Variants in PIK3R4 observed in about 807,000 individuals in gnomAD.
PIK3R4 encodes the protein phosphoinositide-3-kinase regulatory subunit 4, also known as phosphoinositide 3-kinase regulatory subunit 4.
PIK3R4 carries 46 observed loss-of-function variants against 136.5 expected under a neutral mutation model. The observed-to-expected ratio is 0.34, with a 90% CI of 0.27 to 0.43. The LOEUF is 0.43. Among genes scored for constraint, PIK3R4 ranks in the 20% least tolerant of loss-of-function variants. The pLI is 1.00. For synonymous variants in PIK3R4, 557 were observed against 566.7 expected, an observed-to-expected ratio of 0.98 and a Z score of 0.24; for missense variants, 1,331 against 1,649.5, an observed-to-expected ratio of 0.81 and a Z score of 3.35.
At position 130,734,072 on chromosome 3, in the gene PIK3R4, T is replaced by C; in HGVS notation, c.926A>G (p.Lys309Arg). 1 of 1,614,164 alleles carries C rather than the reference T, an allele frequency of 6.2e-7. No homozygotes were observed. The highest frequency in any genetic ancestry group is 1.7e-5 in the Admixed American group (1 of 60,024). Residue 309 changes from lysine to arginine, a missense_variant, in exon 4 of 20, where the codon AAA becomes AGA. Physicochemically the swap from Lys to Arg is conservative, Grantham distance 26. This residue lies in a region of PIK3R4 where 1,180 missense variants were observed against 1,407.0 expected (regional missense o/e 0.84). Transcript: ENST00000356763. ...AGGAAAGGCATTGCCACGCTGCTGTTTTAAGTAATCTTCTGCCTCTAAACG... is the reference window on the plus strand; with the variant it reads ...AGGAAAGGCATTGCCACGCTGCTGTCTTAAGTAATCTTCTGCCTCTAAACG... ...DKRLEAEDYL[K>R]QQRGNAFPEI...
chr3:130,679,849 G>A (rs914480276), intron 19 of PIK3R4, among the ~76,000 whole-genome samples: 18 of 152,028 alleles, frequency 1.2e-4, no homozygotes, highest in East Asian at 3.9e-4. Context: ...AGGCCAAGGC[G>A]GGTGGATCAC....
At position 130,718,477 on chromosome 3, in the gene PIK3R4, G is replaced by C; in HGVS notation, c.2039C>G (p.Thr680Arg). 1 of 1,613,788 alleles carries C rather than the reference G, an allele frequency of 6.2e-7. No homozygotes were observed. The highest frequency in any genetic ancestry group is 8.5e-7 in the Non-Finnish European group (1 of 1,179,750). Reference protein sequence around the residue: ...WIRYGAVGFITVVARQISTAD... With the variant: ...WIRYGAVGFIRVVARQISTAD... Reference sequence around the variant, plus strand: ...TGTACTTATTTGACGAGCTACCACTGTGATAAATCCCACGGCACCATAACG... The same window carrying C: ...TGTACTTATTTGACGAGCTACCACTCTGATAAATCCCACGGCACCATAACG... Residue 680 changes from threonine to arginine, a missense_variant, in exon 8 of 20, where the codon ACA (threonine) becomes AGA (arginine). Around this residue, in one of 2 missense-constraint regions of PIK3R4, gnomAD observed 1,180 missense variants for 1,407.0 expected, o/e 0.84. Transcript: ENST00000356763.
intron 2 of PIK3R4, among the ~76,000 whole-genome samples, chr3:130,738,481 G>A (rs2107621587): frequency 6.6e-6 from 1 of 152,214 alleles, no homozygotes; most frequent in East Asian, 1.9e-4. Context: ...AACAAAAGCA[G>A]AGTACAACAC....
chr3:130,744,213 C>A (rs925010275), intron 2 of PIK3R4, among the ~76,000 whole-genome samples: 5 of 152,178 alleles, frequency 3.3e-5, no homozygotes, highest in African/African-American at 1.2e-4. Context: ...TATTATCCAC[C>A]AATATCCCTA....
intron 9 of PIK3R4, 101 bp downstream of exon 9, chr3:130,716,295 G>A: frequency 1.1e-6 from 1 of 888,530 alleles, no homozygotes; most frequent in Non-Finnish European, 1.8e-6. Flanking sequence ...TTTTTATGAT[G>A]TAATCTAATC....
rs373795452 is a variant in PIK3R4, at chr3:130,681,791, G to A, written c.3608-200C>T. On this transcript the variant is annotated intron_variant, in intron 16 of 19. Transcript: ENST00000356763. ...ATTTTTACTATGGGCTAGTCACTGC[G>A]CTAGGCACTGAAGAAGAGATGGCAA... Among the ~76,000 whole-genome samples, 24 of 152,198 alleles carry A rather than the reference G, an allele frequency of 1.6e-4. No individual in the cohort carries two copies. The East Asian group carries it at 1.7e-3, about 11-fold the overall frequency.
At position 130,705,655 on chromosome 3, in the gene PIK3R4, T is replaced by C; in HGVS notation, c.2838A>G (p.Gln946=). The C allele has an allele frequency of 4.3e-6, 7 of 1,613,406 alleles. No homozygotes were observed. Among genetic ancestry groups the C allele is most frequent in the Non-Finnish European group, 5.9e-6 (7 of 1,179,344 alleles). The change falls in exon 12 of 20, where the codon CAA becomes CAG. Residue 946 remains glutamine (Q), a synonymous_variant. Coordinates refer to ENST00000356763, the MANE Select transcript of PIK3R4 (RefSeq NM_014602.3). ...ACTGCTCCCGCTTTTGCTGGATGAG[T>C]TGCTGAAGTTCAGTTTTACAAGTTG... The part of the protein sequence containing the change: ...RITTCKTELQ[Q]LIQQKREQCN...
At chr3:130,734,952 T>C (rs1362816423) in intron 3 of PIK3R4, among the ~76,000 whole-genome samples, 1 of 152,226 alleles carries the variant, frequency 6.6e-6, no homozygotes, top group Non-Finnish European at 1.5e-5. Context: ...CTAGTTAGAA[T>C]TGCTTTTAGT....
At position 130,729,162 on chromosome 3, in the gene PIK3R4, C is replaced by T. The variant is rs566191089; in HGVS notation, c.1586-478G>A. Among the ~76,000 whole-genome samples the T allele has an allele frequency of 9.7e-3, 1,481 of 152,302 alleles. 30 individuals carry two copies. Among genetic ancestry groups the T allele is most frequent in the African/African-American group, 0.033 (1,365 of 41,578 alleles). On this transcript the variant is annotated intron_variant, in intron 5 of 19. Coordinates refer to ENST00000356763, the MANE Select transcript of PIK3R4 (RefSeq NM_014602.3). ...AAGTTCTGTCAAGGCTTTACTTCAT[C>T]TGGCCACTGTCTTCTCTGGTCTTAC...
At chr3:130,709,254 G>A (rs909414740) in intron 9 of PIK3R4, among the ~76,000 whole-genome samples, 5 of 152,024 alleles carry the variant, frequency 3.3e-5, no homozygotes, top group African/African-American at 1.2e-4. Flanking sequence ...TTAATTCCTT[G>A]GCAACTTAAA....
At chr3:130,734,714 TAC>T (rs2066776569) in intron 3 of PIK3R4, among the ~76,000 whole-genome samples, 1 of 148,072 alleles carries the variant, frequency 6.8e-6, no homozygotes, top group African/African-American at 2.6e-5. Context: ...CTAGAAATGA[TAC>T]ACCTAATTTG....
intron 8 of PIK3R4, among the ~76,000 whole-genome samples, 163 bp downstream of exon 8, chr3:130,718,226 G>A (rs538926003): frequency 6.6e-6 from 1 of 152,192 alleles, no homozygotes; most frequent in South Asian, 2.1e-4. Context: ...GACCTTCAAA[G>A]GTGCTTGGTT....
chr3:130,740,156 A>G (rs1055908803), intron 2 of PIK3R4, among the ~76,000 whole-genome samples: 3 of 152,186 alleles, frequency 2.0e-5, no homozygotes, highest in Non-Finnish European at 2.9e-5. Context: ...TATAAAAATG[A>G]TTTTGAAAAA....
chr3:130,731,822 C>T (rs1212407566), intron 4 of PIK3R4, among the ~76,000 whole-genome samples: 2 of 152,206 alleles, frequency 1.3e-5, no homozygotes, highest in East Asian at 3.8e-4. Context: ...TTCAAATACA[C>T]TGGCTCTATT....
At position 130,680,863 on chromosome 3, in the gene PIK3R4, A is replaced by ATAAAG. The variant is rs147729958; in HGVS notation, c.3797+109_3797+113dup. 5.6e-3 allele frequency: 4,234 copies of ATAAAG among 759,164 alleles called. 130 individuals are homozygous for ATAAAG. The African/African-American group carries it at 0.066, about 12-fold the overall frequency. 47.0% of individuals were successfully genotyped at this position (759,164 alleles called of 1,614,324 possible). A position where few individuals can be genotyped will look rare whatever the true frequency, so the allele number is the denominator to read the frequency against. Reference sequence around the variant, plus strand: ...TAGAACAGCATACCATTGGTTACAAATAAAGTATTAACAGCTGTCCTTATA... The same window carrying ATAAAG: ...TAGAACAGCATACCATTGGTTACAAATAAAGTAAAGTATTAACAGCTGTCCTTATA... On this transcript the variant is annotated intron_variant, in intron 18 of 19. Transcript: ENST00000356763.
At position 130,705,681 on chromosome 3, in the gene PIK3R4, T is replaced by C. The variant is rs766630948; in HGVS notation, c.2812A>G (p.Thr938Ala). 3.1e-6 allele frequency: 5 copies of C among 1,612,392 alleles called. No individual in the cohort carries two copies. The African/African-American group carries it at 6.7e-5, about 22-fold the overall frequency. Residue 938 changes from threonine (T) to alanine (A), a missense_variant, in exon 12 of 20, where the codon ACA (threonine) becomes GCA (alanine). This residue lies in a region of PIK3R4 where 1,180 missense variants were observed against 1,407.0 expected (regional missense o/e 0.84). Transcript: ENST00000356763. ...TGCTGAAGTTCAGTTTTACAAGTTG[T>C]AATTCGAATCTGATAGGTGGATGGT... The part of the protein sequence containing the change: ...ILPSTYQIRI[T>A]TCKTELQQLI...
intron 14 of PIK3R4, among the ~76,000 whole-genome samples, chr3:130,689,266 TGA>T (rs2066503862): frequency 6.6e-6 from 1 of 152,330 alleles, no homozygotes; most frequent in African/African-American, 2.4e-5. Flanking sequence ...TGCCATTGGC[TGA>T]GAGACAACCG....
In PIK3R4 at chr3:130,705,712, T is replaced by C. The variant is rs572440796; in HGVS notation, c.2781A>G (p.Thr927=). 136 of 1,612,576 alleles carry C rather than the reference T, an allele frequency of 8.4e-5. No individual in the cohort carries two copies. In the South Asian group the frequency reaches 1.4e-3, roughly 16 times the overall value. ...KKPVIPVLSS[T]ILPSTYQIRI... is the part of the protein sequence containing the mutation. ...GAATCTGATAGGTGGATGGTAAGAT[T>C]GTACTACTTAAAACCGGTATTACTG... The change falls in exon 12 of 20, where the codon ACA becomes ACG. Residue 927 remains threonine (T), a synonymous_variant. Coordinates refer to ENST00000356763, the MANE Select transcript of PIK3R4 (RefSeq NM_014602.3).
At chr3:130,706,853 G>A (rs1008252511) in intron 11 of PIK3R4, 95 bp downstream of exon 11, 1 of 871,318 alleles carries the variant, frequency 1.1e-6, no homozygotes. Context: ...TCACCATATT[G>A]ATTTTTCCAC....
Sources: gnomAD v4.1 joint callset for allele counts (sites outside exome capture counted in the v4.1 genomes callset) on GRCh38, gnomAD v4.1.1 for gene constraint, gnomAD v4.1.1 regional missense constraint, MANE v1.5 for transcripts, NCBI Gene and HGNC (gene_info 2026-07-23, HGNC 2026-07-21) for gene names.